Variants in ZNF568 observed in about 807,000 individuals in gnomAD.
ZNF568 encodes the protein zinc finger protein 568.
A neutral mutation model predicts 18.1 loss-of-function variants in ZNF568; 11 were observed. That is an observed-to-expected ratio of 0.61 (90% CI 0.38 to 1.00). The LOEUF (loss-of-function observed/expected upper bound fraction) is 1.00. Among genes scored for constraint, ZNF568 ranks in the 50% least tolerant of loss-of-function variants. The probability of loss-of-function intolerance (pLI) is 0.01; values close to 1 mark genes in which losing one functional copy is unlikely to be tolerated. For missense variants in ZNF568, 639 were observed against 768.2 expected (o/e 0.83, Z 1.99); for synonymous variants, 213 against 246.6 (o/e 0.86, Z 1.28).
intron 6 of ZNF568, among the ~76,000 whole-genome samples, chr19:36,961,487 T>C (rs902654975): frequency 4.6e-5 from 7 of 152,258 alleles, no homozygotes; most frequent in African/African-American, 1.7e-4. Context: ...TCAGCCATTC[T>C]CTATTTTTTA....
intron 4 of ZNF568, among the ~76,000 whole-genome samples, chr19:36,925,489 G>A (rs1319497580): frequency 2.0e-5 from 3 of 152,088 alleles, no homozygotes; most frequent in African/African-American, 4.8e-5. Flanking sequence ...GACAGTCAAA[G>A]CAAACTGGGA....
At chr19:36,939,962 T>A (rs942209955) in intron 6 of ZNF568, among the ~76,000 whole-genome samples, 2 of 152,230 alleles carry the variant, frequency 1.3e-5, no homozygotes, top group Admixed American at 6.5e-5. Context: ...CATTTCACCC[T>A]TCTTGGAAAT....
chr19:36,990,112 G>A (rs1283224262), intron 2 of ZNF568, among the ~76,000 whole-genome samples: 2 of 152,238 alleles, frequency 1.3e-5, no homozygotes, highest in African/African-American at 4.8e-5. Flanking sequence ...CCTGAGATAT[G>A]TAGATTGTAT....
intron 4 of ZNF568, among the ~76,000 whole-genome samples, chr19:36,994,326 A>AT (rs1178155684): frequency 6.6e-6 from 1 of 152,150 alleles, no homozygotes; most frequent in Non-Finnish European, 1.5e-5. Context: ...ATGGCTTAAT[A>AT]TATGGTCTAA....
chr19:36,991,675 T>C, intron 3 of ZNF568: 2 of 1,195,090 alleles, frequency 1.7e-6, no homozygotes, highest in Middle Eastern at 1.9e-4. Flanking sequence ...TACCTGCTCC[T>C]CTTTCTTGGT....
Position 36,951,612 on chromosome 19 carries a change from C to T in ZNF568, c.*524C>T, listed in dbSNP as rs1428393564. 1 of 151,208 alleles carries T rather than the reference C, an allele frequency of 6.6e-6. No individual in the cohort carries two copies. The highest frequency in any genetic ancestry group is 2.4e-5 in the African/African-American group (1 of 41,068). 9.4% of individuals were successfully genotyped at this position (151,208 alleles called of 1,614,324 possible). The stretch of plus-strand genomic sequence containing the variant: ...CAATAAAATTGCTGGGAATATTTGA[C>T]TCTCCGTATTGGAGAAAATAAAATT... On this transcript the variant is annotated 3_prime_UTR_variant, in exon 7 of 7. Transcript: ENST00000333987.
intron 6 of ZNF568, among the ~76,000 whole-genome samples, chr19:36,960,333 G>T (rs1481521589): frequency 6.6e-6 from 1 of 151,620 alleles, no homozygotes; most frequent in Non-Finnish European, 1.5e-5. Flanking sequence ...GGCCAGGCTG[G>T]TCTCGAACTC....
At chr19:36,955,736 G>T (rs571709515), downstream of ZNF568, among the ~76,000 whole-genome samples, 3 of 152,126 alleles carry the variant, frequency 2.0e-5, no homozygotes, top group South Asian at 6.2e-4. Context: ...TACTAATAGT[G>T]GCTTGGACTA....
chr19:36,949,898 C>A lies in ZNF568; in HGVS notation c.745C>A (p.Pro249Thr). 6.2e-7 allele frequency: 1 copy of A among 1,613,812 alleles called. No individual in the cohort carries two copies. Among genetic ancestry groups the A allele is most frequent in the Non-Finnish European group, 8.5e-7 (1 of 1,179,890 alleles). ...TGAGCGAATTCATGCTGGAGAGAAA[C>A]CTTACGAATGTAAAGAATGTGGAAA... ...RHERIHAGEK[P>T]YECKECGKAF... Residue 249 changes from proline to threonine, a missense_variant, in exon 7 of 7, where the codon CCT becomes ACT. Physicochemically the swap from Pro to Thr is conservative, Grantham distance 38. Coordinates refer to ENST00000333987, the MANE Select transcript of ZNF568 (RefSeq NM_198539.4).
At chr19:36,960,110 C>CTTTTTTTTTTTT (rs34588591) in intron 6 of ZNF568, among the ~76,000 whole-genome samples, 2 of 87,664 alleles carry the variant, frequency 2.3e-5, no homozygotes, top group Admixed American at 1.4e-4. Flanking sequence ...AATTGTTCTA[C>CTTTTTTTTTTTT]TTTTTTTTTT....
intron 4 of ZNF568, among the ~76,000 whole-genome samples, chr19:36,934,100 G>A (rs2073745964): frequency 6.6e-6 from 1 of 150,716 alleles, no homozygotes; most frequent in Non-Finnish European, 1.5e-5. Context: ...ATTTCTGTAA[G>A]ATTAGTAGTA....
At chr19:36,963,229 A>G (rs2074168595) in intron 6 of ZNF568, among the ~76,000 whole-genome samples, 1 of 122,928 alleles carries the variant, frequency 8.1e-6, no homozygotes, top group African/African-American at 3.4e-5. Context: ...CAAGGATTGG[A>G]TTGGCTAGGT....
chr19:36,949,771 G>C lies in ZNF568; in HGVS notation c.618G>C (p.Glu206Asp), dbSNP rs1005780687. The C allele has an allele frequency of 6.2e-7, 1 of 1,613,956 alleles. No individual in the cohort carries two copies. The highest frequency in any genetic ancestry group is 8.5e-7 in the Non-Finnish European group (1 of 1,179,932). ...GTGTAAGAGAGAAACAGAGTAATGA[G>C]TTTGGGAAACCATTTTACCATTGTG... Reference protein sequence around the residue: ...KGCVREKQSNEFGKPFYHCAS... With the variant: ...KGCVREKQSNDFGKPFYHCAS... Residue 206 changes from glutamate (E) to aspartate (D), a missense_variant, in exon 7 of 7, where the codon GAG becomes GAC. Glu to Asp is a conservative substitution (Grantham distance 45). Transcript: ENST00000333987.
intron 2 of ZNF568, chr19:36,991,093 A>G: frequency 7.1e-7 from 1 of 1,412,256 alleles, no homozygotes; most frequent in East Asian, 2.5e-5. Context: ...TCCCTATTGA[A>G]TTGCTTTCTC....
chr19:36,936,840 T>G lies in ZNF568; in HGVS notation c.230T>G (p.Met77Arg). ...CAAAGAAACTTGTATCGAGATGTGA[T>G]GCTGGAGAACTACAGCAACCTAGTC... ...PAQRNLYRDV[M>R]LENYSNLVTV... The change falls in exon 5 of 7, where the codon ATG (methionine) becomes AGG (arginine). Residue 77 changes from methionine to arginine, a missense_variant. Transcript: ENST00000333987. 6.2e-7 allele frequency: 1 copy of G among 1,613,972 alleles called. No homozygotes were observed. Among genetic ancestry groups the G allele is most frequent in the Non-Finnish European group, 8.5e-7 (1 of 1,179,854 alleles).
intron 6 of ZNF568, among the ~76,000 whole-genome samples, chr19:36,949,066 A>G (rs779572161): frequency 2.0e-5 from 3 of 152,008 alleles, no homozygotes; most frequent in Admixed American, 6.6e-5. Flanking sequence ...CCTTTTTCTT[A>G]TGGATTTAAC....
downstream of ZNF568, among the ~76,000 whole-genome samples, chr19:36,984,217 C>T (rs1667348): frequency 0.54 from 81,623 of 151,924 alleles, 22,497 homozygotes; most frequent in African/African-American, 0.63. Context: ...TGTTCTTTAA[C>T]GAGAGTATTT....
intron 6 of ZNF568, among the ~76,000 whole-genome samples, chr19:36,940,329 T>G (rs2073859511): frequency 1.3e-5 from 2 of 152,340 alleles, no homozygotes; most frequent in South Asian, 4.1e-4. Context: ...TAATAAATGG[T>G]CCTCAATATT....
intron 7 of ZNF568, among the ~76,000 whole-genome samples, chr19:36,974,750 G>T (rs1272380402): frequency 6.6e-6 from 1 of 151,792 alleles, no homozygotes; most frequent in Non-Finnish European, 1.5e-5. Flanking sequence ...TTGAACAACA[G>T]AATTAGCTTT....
Sources: allele counts gnomAD v4.1 joint callset (sites outside exome capture counted in the v4.1 genomes callset), GRCh38; gene constraint gnomAD v4.1.1; transcripts MANE v1.5; gene names NCBI Gene and HGNC (gene_info 2026-07-23, HGNC 2026-07-21).